Variants in SCAI observed in about 807,000 individuals in gnomAD.
SCAI encodes the protein protein SCAI.
SCAI carries 24 observed loss-of-function variants against 92.2 expected under a neutral mutation model. That is an observed-to-expected ratio of 0.26 (90% CI 0.19 to 0.37). The LOEUF (loss-of-function observed/expected upper bound fraction) is 0.37. Among genes scored for constraint, SCAI ranks in the 10% least tolerant of loss-of-function variants. The pLI is 1.00. For missense variants in SCAI, 450 were observed against 736.2 expected, an observed-to-expected ratio of 0.61 and a Z score of 4.50; for synonymous variants, 261 against 258.6, an observed-to-expected ratio of 1.01 and a Z score of -0.09.
At position 125,011,690 on chromosome 9, in the gene SCAI, A is replaced by G. The variant is rs565847358; in HGVS notation, c.861+7109T>C. Reference sequence around the variant, plus strand: ...TCAGGAAATACAGAGAATGCCACAAAGATATTCCTCGAGAAGAGCAACTCC... The same window carrying G: ...TCAGGAAATACAGAGAATGCCACAAGGATATTCCTCGAGAAGAGCAACTCC... On this transcript the variant is annotated intron_variant, in intron 9 of 17. Coordinates refer to ENST00000336505, the MANE Select transcript of SCAI (RefSeq NM_001144877.3). Among the ~76,000 whole-genome samples, 41 of 152,336 alleles carry G rather than the reference A, an allele frequency of 2.7e-4. No individual in the cohort carries two copies. In the East Asian group the frequency reaches 6.8e-3, roughly 25 times the overall value.
chr9:124,963,414 G>A (rs1011886181), intron 17 of SCAI, among the ~76,000 whole-genome samples: 4 of 151,976 alleles, frequency 2.6e-5, no homozygotes, highest in East Asian at 2.0e-4. Context: ...GATTACAGGC[G>A]TGAGCCACAG....
intron 2 of SCAI, among the ~76,000 whole-genome samples, chr9:125,098,025 A>C (rs1203592663): frequency 6.6e-6 from 1 of 150,676 alleles, no homozygotes; most frequent in Non-Finnish European, 1.5e-5. Flanking sequence ...GTATATATAT[A>C]TCTATACACA....
chr9:124,956,774 C>T (rs1004705665), intron 17 of SCAI, among the ~76,000 whole-genome samples: 2 of 152,140 alleles, frequency 1.3e-5, no homozygotes, highest in African/African-American at 4.8e-5. Context: ...TGTCCATTTT[C>T]ACTACTTTTA....
In SCAI at chr9:125,003,457, AGAG is replaced by A; in HGVS notation, c.963+9_963+11del. 7 of 1,574,402 alleles carry A rather than the reference AGAG, an allele frequency of 4.4e-6. No individual in the cohort carries two copies. The highest frequency in any genetic ancestry group is 1.7e-4 in the Middle Eastern group (1 of 5,958). On this transcript the variant is annotated intron_variant, in intron 10 of 17. Coordinates refer to ENST00000336505, the MANE Select transcript of SCAI (RefSeq NM_001144877.3). Reference sequence around the variant, plus strand: ...GGGTTACCAAACTTGCAAATGTAAAAGAGGAGATTACCTGCATTCCTGGTTTAT... The same window carrying A: ...GGGTTACCAAACTTGCAAATGTAAAAGAGATTACCTGCATTCCTGGTTTAT...
In SCAI at chr9:125,132,395, AGCCACT is replaced by A. The variant is rs1427003545; in HGVS notation, c.98+10232_98+10237del. On this transcript the variant is annotated intron_variant, in intron 2 of 17. Transcript: ENST00000336505. ...CCAAAGTGCTGGGATTACAGGTGTGAGCCACTGCATCCAGCCATTGGATTACAGGTG... is the reference window on the plus strand; with the variant it reads ...CCAAAGTGCTGGGATTACAGGTGTGAGCATCCAGCCATTGGATTACAGGTG... Among the ~76,000 whole-genome samples the A allele has an allele frequency of 6.6e-5, 10 of 151,684 alleles. No individual in the cohort carries two copies. The South Asian group carries it at 8.5e-4, about 13-fold the overall frequency.
chr9:125,008,179 C>G (rs559087281), intron 9 of SCAI, among the ~76,000 whole-genome samples: 11 of 152,000 alleles, frequency 7.2e-5, no homozygotes, highest in Non-Finnish European at 1.5e-4. Context: ...GAGTCTCACT[C>G]TGTCACCCAG....
At chr9:124,974,755 A>G (rs1340335217) in intron 15 of SCAI, among the ~76,000 whole-genome samples, 1 of 152,224 alleles carries the variant, frequency 6.6e-6, no homozygotes, top group Non-Finnish European at 1.5e-5. Flanking sequence ...TAAGCATAAT[A>G]ATAATAATGA....
chr9:125,023,986 C>T (rs1832917569), intron 6 of SCAI, among the ~76,000 whole-genome samples: 1 of 152,020 alleles, frequency 6.6e-6, no homozygotes, highest in African/African-American at 2.4e-5. Flanking sequence ...GGGTCCACAT[C>T]AAGCCCTCTT....
chr9:125,098,742 G>A (rs1175244973), intron 2 of SCAI, among the ~76,000 whole-genome samples: 4 of 152,214 alleles, frequency 2.6e-5, no homozygotes, highest in Admixed American at 6.5e-5. Flanking sequence ...GCAAAGGGAA[G>A]TCTCCAATCT....
chr9:124,979,891 C>T (rs141263288), intron 14 of SCAI, among the ~76,000 whole-genome samples: 2,530 of 150,652 alleles, frequency 0.017, 72 homozygotes, highest in African/African-American at 0.059. Flanking sequence ...CTACTAAAAA[C>T]ACAAAAAAAT....
chr9:125,040,892 T>C (rs1470421802), intron 3 of SCAI, among the ~76,000 whole-genome samples: 4 of 152,036 alleles, frequency 2.6e-5, no homozygotes, highest in Non-Finnish European at 4.4e-5. Flanking sequence ...TCTTGGCCTC[T>C]CAAAGTGCTG....
chr9:125,063,174 C>T (rs570464633), intron 2 of SCAI, among the ~76,000 whole-genome samples: 1 of 151,128 alleles, frequency 6.6e-6, no homozygotes, highest in East Asian at 2.0e-4. Context: ...CTTTGGGAGG[C>T]TGAGGTGGGC....
chr9:125,055,360 G>A (rs1309344514), intron 3 of SCAI, among the ~76,000 whole-genome samples: 1 of 152,008 alleles, frequency 6.6e-6, no homozygotes, highest in Non-Finnish European at 1.5e-5. Context: ...TAAATAGCAT[G>A]GTTTATAACA....
At chr9:125,028,782 C>T (rs1040441849) in intron 4 of SCAI, among the ~76,000 whole-genome samples, 2 of 150,500 alleles carry the variant, frequency 1.3e-5, no homozygotes, top group African/African-American at 4.9e-5. Context: ...CTTTAAAAAT[C>T]GGACAAGAAC....
At chr9:125,058,494 G>A (rs904496028) in intron 2 of SCAI, among the ~76,000 whole-genome samples, 3 of 152,114 alleles carry the variant, frequency 2.0e-5, no homozygotes, top group Non-Finnish European at 4.4e-5. Flanking sequence ...CAGCCTGGGC[G>A]ACAGAACGAG....
intron 2 of SCAI, 112 bp downstream of exon 2, chr9:125,142,521 G>C (rs1175974682): frequency 3.9e-6 from 3 of 767,670 alleles, no homozygotes; most frequent in Non-Finnish European, 6.6e-6. Flanking sequence ...TCTTTTAAAA[G>C]GGGGATAAAT....
intron 13 of SCAI, among the ~76,000 whole-genome samples, chr9:124,995,688 T>C (rs1468640487): frequency 6.6e-6 from 1 of 151,972 alleles, no homozygotes; most frequent in Non-Finnish European, 1.5e-5. Context: ...ATGGGGTTTC[T>C]CCATATTGCC....
In SCAI at chr9:125,105,926, G is replaced by A. The variant is rs540580289; in HGVS notation, c.98+36707C>T. 6.0e-5 allele frequency among the ~76,000 whole-genome samples: 9 copies of A among 150,266 alleles called. No individual in the cohort carries two copies. The East Asian group carries it at 1.6e-3, about 26-fold the overall frequency. ...AGCCTGGCCAATGTGGTGAAACCCC[G>A]TTTCTACTAAAAATACAAAAATTAG... On this transcript the variant is annotated intron_variant, in intron 2 of 17. Coordinates refer to ENST00000336505, the MANE Select transcript of SCAI (RefSeq NM_001144877.3).
chr9:125,058,101 T>A (rs200552831), intron 2 of SCAI, among the ~76,000 whole-genome samples: 1 of 149,290 alleles, frequency 6.7e-6, no homozygotes, highest in Non-Finnish European at 1.5e-5. Context: ...CCCATTTCTT[T>A]AAAAAAAAAA....
Sources: gnomAD v4.1 joint callset for allele counts (sites outside exome capture counted in the v4.1 genomes callset) on GRCh38, gnomAD v4.1.1 for gene constraint, MANE v1.5 for transcripts, NCBI Gene and HGNC (gene_info 2026-07-23, HGNC 2026-07-21) for gene names.